AUTS2: variants seen among roughly 807,000 people sequenced by gnomAD.
The protein encoded by AUTS2 is autism susceptibility gene 2 protein.
A neutral mutation model predicts 112.4 loss-of-function variants in AUTS2; 17 were observed. That is an observed-to-expected ratio of 0.15 (90% confidence interval 0.10 to 0.23). The LOEUF (loss-of-function observed/expected upper bound fraction) is 0.23. Ranked by LOEUF, AUTS2 falls within the 10% of genes least tolerant of loss-of-function variation. The pLI, the probability that AUTS2 is intolerant of heterozygous loss-of-function variation, is 1.00. For synonymous variants in AUTS2, 751 were observed against 702.7 expected (o/e 1.07, Z -1.09); for missense variants, 1,510 against 1,701.6 (o/e 0.89, Z 1.98).
chr7:69,794,481 G>A (rs558949451), intron 1 of AUTS2, among the ~76,000 whole-genome samples: 11 of 152,246 alleles, frequency 7.2e-5, no homozygotes, highest in African/African-American at 2.2e-4. Context: ...AGCTGCATTC[G>A]TTTTGTGCCT....
chr7:69,712,938 C>T (rs375606778), intron 1 of AUTS2, among the ~76,000 whole-genome samples: 5 of 152,110 alleles, frequency 3.3e-5, no homozygotes, highest in Admixed American at 6.5e-5. Flanking sequence ...AGTAAAATCT[C>T]GTTGTGGTTT....
chr7:70,269,407 G>A (rs1787581334), intron 4 of AUTS2, among the ~76,000 whole-genome samples: 2 of 152,038 alleles, frequency 1.3e-5, no homozygotes, highest in South Asian at 4.2e-4. Flanking sequence ...AGAACTGGGG[G>A]ATGGGGGTGT....
intron 1 of AUTS2, among the ~76,000 whole-genome samples, chr7:69,888,564 T>G (rs1794381505): frequency 6.9e-6 from 1 of 144,920 alleles, no homozygotes; most frequent in African/African-American, 2.5e-5. Flanking sequence ...TATATATATA[T>G]ATATATATGT....
intron 5 of AUTS2, among the ~76,000 whole-genome samples, chr7:70,597,912 A>G (rs1240936846): frequency 1.3e-5 from 2 of 152,172 alleles, no homozygotes; most frequent in Non-Finnish European, 2.9e-5. Flanking sequence ...ATCAGGGACT[A>G]CCTTCTCTAG....
At chr7:69,957,749 G>T (rs146755825) in intron 2 of AUTS2, among the ~76,000 whole-genome samples, 1 of 152,140 alleles carries the variant, frequency 6.6e-6, no homozygotes, top group African/African-American at 2.4e-5. Context: ...GAGGGTGTTT[G>T]TGTACAAATT....
At chr7:70,162,922 A>C (rs1040004424) in intron 4 of AUTS2, among the ~76,000 whole-genome samples, 1 of 152,200 alleles carries the variant, frequency 6.6e-6, no homozygotes, top group African/African-American at 2.4e-5. Context: ...CTAAGAAATA[A>C]TTTCATGATA....
chr7:70,418,548 G>A (rs1226830140), intron 4 of AUTS2, among the ~76,000 whole-genome samples: 2 of 152,136 alleles, frequency 1.3e-5, no homozygotes, highest in African/African-American at 4.8e-5. Flanking sequence ...GCTGAGACAT[G>A]CTGCACCACA....
chr7:70,517,916 C>G (rs1272129903), intron 5 of AUTS2, among the ~76,000 whole-genome samples: 1 of 152,034 alleles, frequency 6.6e-6, no homozygotes, highest in Non-Finnish European at 1.5e-5. Context: ...TCAACCAATC[C>G]AGAAAAATAC....
chr7:69,767,364 A>G (rs889137262), intron 1 of AUTS2, among the ~76,000 whole-genome samples: 2 of 151,794 alleles, frequency 1.3e-5, no homozygotes, highest in African/African-American at 4.8e-5. Flanking sequence ...TTTTGTAGGG[A>G]CAAGGTTTCA....
At chr7:70,688,580 C>G (rs773146848) in intron 5 of AUTS2, among the ~76,000 whole-genome samples, 2 of 152,136 alleles carry the variant, frequency 1.3e-5, no homozygotes, top group East Asian at 1.9e-4. Flanking sequence ...CTAATCCCAG[C>G]ACTTTGGAAG....
chr7:70,157,472 ATTTG>A (rs1290654294), intron 4 of AUTS2, among the ~76,000 whole-genome samples: 1 of 151,552 alleles, frequency 6.6e-6, no homozygotes, highest in Non-Finnish European at 1.5e-5. Flanking sequence ...TTATTTATTT[ATTTG>A]TTTATTTATT....
At chr7:69,926,997 C>G (rs973139597) in intron 2 of AUTS2, among the ~76,000 whole-genome samples, 1 of 144,704 alleles carries the variant, frequency 6.9e-6, no homozygotes, top group East Asian at 2.0e-4. Context: ...CCTAAAGCAC[C>G]ACGAAAAACA....
At chr7:70,422,884 C>G (rs752469907) in intron 4 of AUTS2, among the ~76,000 whole-genome samples, 1 of 152,196 alleles carries the variant, frequency 6.6e-6, no homozygotes, top group Non-Finnish European at 1.5e-5. Flanking sequence ...CTCTTGATCT[C>G]TTCACTCAGA....
intron 2 of AUTS2, among the ~76,000 whole-genome samples, chr7:70,088,390 G>A (rs1204416324): frequency 1.3e-5 from 2 of 151,830 alleles, no homozygotes. Context: ...GCCTCCCAAA[G>A]TGCTGGGATT....
At chr7:69,775,341 A>G (rs1788845893) in intron 1 of AUTS2, among the ~76,000 whole-genome samples, 1 of 152,190 alleles carries the variant, frequency 6.6e-6, no homozygotes, top group African/African-American at 2.4e-5. Context: ...TGCTCTCCAT[A>G]GAGGCTGAGA....
chr7:70,275,170 C>A (rs541678360), intron 4 of AUTS2, among the ~76,000 whole-genome samples: 1 of 152,316 alleles, frequency 6.6e-6, no homozygotes, highest in African/African-American at 2.4e-5. Flanking sequence ...CTGCCTGGTA[C>A]TACAGACATG....
chr7:69,607,717 C>T (rs1283102355), intron 1 of AUTS2, among the ~76,000 whole-genome samples: 2 of 152,130 alleles, frequency 1.3e-5, no homozygotes, highest in Non-Finnish European at 2.9e-5. Flanking sequence ...CCCTTGTTAC[C>T]TCTGGAGCCC....
At chr7:70,237,598 G>GA (rs1812394284) in intron 4 of AUTS2, among the ~76,000 whole-genome samples, 1 of 152,118 alleles carries the variant, frequency 6.6e-6, no homozygotes, top group Non-Finnish European at 1.5e-5. Flanking sequence ...CCTAATTAAA[G>GA]AATCTCAATT....
intron 5 of AUTS2, among the ~76,000 whole-genome samples, chr7:70,554,370 C>CTTTTT (rs947429302): frequency 7.0e-6 from 1 of 143,242 alleles, no homozygotes; most frequent in Non-Finnish European, 1.5e-5. Context: ...TGCCCGGCCT[C>CTTTTT]TTTTTTTTCT....
Sources: gnomAD v4.1 joint callset for allele counts (sites outside exome capture counted in the v4.1 genomes callset) on GRCh38, gnomAD v4.1.1 for gene constraint, MANE v1.5 for transcripts, NCBI Gene and HGNC (gene_info 2026-07-23, HGNC 2026-07-21) for gene names.